Variants in ZDHHC21 observed in about 807,000 individuals in gnomAD.
ZDHHC21 encodes the protein palmitoyltransferase ZDHHC21.
ZDHHC21 carries 15 observed loss-of-function variants against 34.6 expected under a neutral mutation model. The ratio of observed to expected loss-of-function variants is 0.43; its 90% CI spans 0.29 to 0.67. The LOEUF (loss-of-function observed/expected upper bound fraction) is 0.67. Among genes scored for constraint, ZDHHC21 ranks in the 30% least tolerant of loss-of-function variants. The pLI is 0.14. For synonymous variants in ZDHHC21, 142 were observed against 101.8 expected (o/e 1.40, Z -2.38); for missense variants, 344 against 327.7 (o/e 1.05, Z -0.38).
chr9:14,658,689 T>C (rs1476686121), intron 7 of ZDHHC21, 60 bp downstream of exon 7: 3 of 1,412,312 alleles, frequency 2.1e-6, no homozygotes, highest in Non-Finnish European at 3.0e-6. Flanking sequence ...GCCAGGATGG[T>C]CTCGATCTCC....
downstream of ZDHHC21, among the ~76,000 whole-genome samples, chr9:14,607,630 G>C (rs535923808): frequency 1.3e-5 from 2 of 151,866 alleles, no homozygotes; most frequent in Non-Finnish European, 2.9e-5. Flanking sequence ...CTGGGGGCGG[G>C]GGGGAAGTAA....
chr9:14,665,895 T>C (rs1426236667), intron 5 of ZDHHC21, among the ~76,000 whole-genome samples: 2 of 149,726 alleles, frequency 1.3e-5, no homozygotes, highest in Admixed American at 1.3e-4. Flanking sequence ...TGCAAAATCA[T>C]GCCAAAATGT....
rs777198632 is a variant in ZDHHC21, at chr9:14,617,173, C to G, written c.*1793G>C. On this transcript the variant is annotated 3_prime_UTR_variant, in exon 10 of 10. Coordinates refer to ENST00000380916, the MANE Select transcript of ZDHHC21 (RefSeq NM_178566.6). ...TGGCCAAATTAGCTTGCACAAAATCCAAACCCTTGTGCCTGACATGAACAT... is the reference window on the plus strand; with the variant it reads ...TGGCCAAATTAGCTTGCACAAAATCGAAACCCTTGTGCCTGACATGAACAT... 2 of 151,938 alleles carry G rather than the reference C, an allele frequency of 1.3e-5. No homozygotes were observed. Among genetic ancestry groups the G allele is most frequent in the African/African-American group, 2.4e-5 (1 of 41,416 alleles). The allele number at this position is 151,938 out of a possible 1,614,324, so 9.4% of individuals were successfully genotyped here.
At chr9:14,686,980 C>CAAA (rs35113029) in intron 2 of ZDHHC21, among the ~76,000 whole-genome samples, 2 of 142,692 alleles carry the variant, frequency 1.4e-5, no homozygotes, top group African/African-American at 2.8e-5. Context: ...CTCAAAAAAA[C>CAAA]AAAAAAAAAA....
At chr9:14,595,768 T>C in the ZDHHC21 span, among the ~76,000 whole-genome samples, 2 of 151,786 alleles carry the variant, frequency 1.3e-5, no homozygotes, top group South Asian at 2.1e-4. Context: ...GCAAATGCCA[T>C]GAAGGAAAAA....
chr9:14,658,945 G>A, intron 6 of ZDHHC21, 58 bp from the exon 7 acceptor site: 1 of 1,525,814 alleles, frequency 6.6e-7, no homozygotes, highest in Non-Finnish European at 8.9e-7. Context: ...TTCACCTCAG[G>A]ATCAATAAGA....
intron 2 of ZDHHC21, among the ~76,000 whole-genome samples, chr9:14,685,140 T>G (rs1466376246): frequency 6.6e-6 from 1 of 151,806 alleles, no homozygotes; most frequent in Admixed American, 6.6e-5. Context: ...GACATAGGCA[T>G]GGGCAAGGAC....
At chr9:14,664,826 T>C (rs952394611) in intron 5 of ZDHHC21, among the ~76,000 whole-genome samples, 33 of 151,038 alleles carry the variant, frequency 2.2e-4, no homozygotes, top group Admixed American at 3.3e-4. Context: ...AGAAAGGACA[T>C]CCACACCGAA....
intron 7 of ZDHHC21, among the ~76,000 whole-genome samples, chr9:14,654,751 G>C (rs1292666654): frequency 6.6e-6 from 1 of 152,024 alleles, no homozygotes; most frequent in Non-Finnish European, 1.5e-5. Context: ...GGGTAGGTTA[G>C]ACATGGCAGA....
At chr9:14,650,818 T>G (rs562413049) in intron 7 of ZDHHC21, among the ~76,000 whole-genome samples, 57 of 152,100 alleles carry the variant, frequency 3.7e-4, no homozygotes, top group African/African-American at 1.3e-3. Context: ...ATTATTTATT[T>G]TCCTCTTCTG....
chr9:14,602,351 G>C, the ZDHHC21 span, among the ~76,000 whole-genome samples: 1 of 151,968 alleles, frequency 6.6e-6, no homozygotes, highest in African/African-American at 2.4e-5. Context: ...CTCATAAAGT[G>C]ACAAAGTATT....
In ZDHHC21 at chr9:14,658,464, CTTTTTTTTT is replaced by C. The variant is rs769819264; in HGVS notation, c.504+276_504+284del. Among the ~76,000 whole-genome samples, 489 of 65,392 alleles carry C rather than the reference CTTTTTTTTT, an allele frequency of 7.5e-3. 6 individuals carry two copies. The highest frequency in any genetic ancestry group is 0.029 in the African/African-American group (467 of 16,082). 42.9% of individuals were successfully genotyped at this position (65,392 alleles called of 152,430 possible). A position where few individuals can be genotyped will look rare whatever the true frequency, so the allele number is the denominator to read the frequency against. ...CTAATGTTAGTGGATATAAACATTT[CTTTTTTTTT>C]TTTTTTTTTTTTTTTTTGAGACGGA... On this transcript the variant is annotated intron_variant, in intron 7 of 9. Coordinates refer to ENST00000380916, the MANE Select transcript of ZDHHC21 (RefSeq NM_178566.6).
At chr9:14,590,168 A>G in the ZDHHC21 span, 2 of 152,226 alleles carry the variant, frequency 1.3e-5, no homozygotes, top group Non-Finnish European at 2.9e-5. Context: ...TTTCACGGTT[A>G]GCAGCAGGGT....
At chr9:14,654,269 A>G (rs564957570) in intron 7 of ZDHHC21, among the ~76,000 whole-genome samples, 1 of 152,078 alleles carries the variant, frequency 6.6e-6, no homozygotes, top group Non-Finnish European at 1.5e-5. Flanking sequence ...CAAAATACCA[A>G]TAAATGCAAT....
At chr9:14,682,402 T>C (rs1456556207) in intron 2 of ZDHHC21, among the ~76,000 whole-genome samples, 1 of 152,164 alleles carries the variant, frequency 6.6e-6, no homozygotes, top group African/African-American at 2.4e-5. Context: ...TAGTCTCTGA[T>C]GAAACATACT....
chr9:14,660,866 G>C (rs1833262385), intron 6 of ZDHHC21, among the ~76,000 whole-genome samples: 1 of 151,880 alleles, frequency 6.6e-6, no homozygotes, highest in Admixed American at 6.6e-5. Context: ...TTGTATTTTA[G>C]TGAATAAGAA....
the ZDHHC21 span, among the ~76,000 whole-genome samples, chr9:14,591,775 A>C: frequency 6.6e-6 from 1 of 152,166 alleles, no homozygotes; most frequent in African/African-American, 2.4e-5. Context: ...TACTGATATA[A>C]AATTATAACC....
At chr9:14,630,199 A>G (rs1342221632) in intron 8 of ZDHHC21, among the ~76,000 whole-genome samples, 1 of 152,182 alleles carries the variant, frequency 6.6e-6, no homozygotes, top group African/African-American at 2.4e-5. Context: ...CCTCTCAAAC[A>G]CTGCCACTGC....
rs1048328951 is a variant in ZDHHC21 at position 14,616,047 on chromosome 9, T to C, written c.*2919A>G. 2.0e-5 allele frequency: 3 copies of C among 151,532 alleles called. No individual in the cohort carries two copies. The highest frequency in any genetic ancestry group is 3.0e-5 in the Non-Finnish European group (2 of 67,666). 9.4% of individuals were successfully genotyped at this position (151,532 alleles called of 1,614,324 possible). On this transcript the variant is annotated 3_prime_UTR_variant, in exon 10 of 10. Coordinates refer to ENST00000380916, the MANE Select transcript of ZDHHC21 (RefSeq NM_178566.6). ...AAAAAAAGAACAAAGAAAAGGAAAA[T>C]TATACAAAGAATCATTAATCTCTTA...
Sources: gnomAD v4.1 joint callset for allele counts (sites outside exome capture counted in the v4.1 genomes callset) on GRCh38, gnomAD v4.1.1 for gene constraint, MANE v1.5 for transcripts, NCBI Gene and HGNC (gene_info 2026-07-23, HGNC 2026-07-21) for gene names.